The following VAV2 variants were observed in gnomAD, a reference collection of about 807,000 sequenced individuals.
VAV2 encodes the protein guanine nucleotide exchange factor VAV2.
In VAV2, 67 loss-of-function variants were observed where a neutral mutation model predicts 132.5. That is an observed-to-expected ratio of 0.51 (90% CI 0.42 to 0.62). VAV2 has a LOEUF of 0.62. VAV2 is among the 20% of genes least tolerant of loss of function. The probability of loss-of-function intolerance (pLI) is 0.00; values close to 1 mark genes in which losing one functional copy is unlikely to be tolerated. For missense variants in VAV2, 938 were observed against 1,153.6 expected (o/e 0.81, Z 2.71); for synonymous variants, 492 against 443.5 (o/e 1.11, Z -1.37).
At position 133,834,406 on chromosome 9, in the gene VAV2, T is replaced by C; in HGVS notation, c.381-66A>G. The C allele has an allele frequency of 6.5e-7, 1 of 1,543,318 alleles. No homozygotes were observed. Among genetic ancestry groups the C allele is most frequent in the Non-Finnish European group, 8.8e-7 (1 of 1,131,542 alleles). On this transcript the variant is annotated intron_variant, in intron 3 of 29. Coordinates refer to ENST00000371850, the MANE Select transcript of VAV2 (RefSeq NM_001134398.2). This position sits in a 1 kb window ranked among gnomAD's most constrained non-coding sequence, Gnocchi z 5.9. ...CACTGCCGGCCAGTGGGACCCCAGC[T>C]GGACCCCACAGCAGAGCCCAGTGTG...
chr9:133,842,809 G>A (rs112439268), intron 3 of VAV2, among the ~76,000 whole-genome samples: 15 of 152,316 alleles, frequency 9.8e-5, no homozygotes, highest in South Asian at 8.3e-4. Context: ...GGGACCCCAC[G>A]CCCAGGGCAT....
At position 133,769,691 on chromosome 9, in the gene VAV2, G is replaced by A. The variant is rs961951101; in HGVS notation, c.2348-188C>T. ...CCCCACCCAGGCACAGGTGCCACTC[G>A]GCCACACCTGAGCTACCCTGGAACC... On this transcript the variant is annotated intron_variant, in intron 27 of 29. Transcript: ENST00000371850. The surrounding 1 kb of genome is among the most constrained non-coding windows in gnomAD (Gnocchi z 8.1). 6.6e-6 allele frequency among the ~76,000 whole-genome samples: 1 copy of A among 152,182 alleles called. No individual in the cohort carries two copies. The highest frequency in any genetic ancestry group is 1.5e-5 in the Non-Finnish European group (1 of 68,012).
intron 1 of VAV2, among the ~76,000 whole-genome samples, chr9:133,982,263 C>T (rs962013537): frequency 5.6e-5 from 8 of 144,008 alleles, no homozygotes; most frequent in South Asian, 2.1e-4. Context: ...TCGGCAGGGG[C>T]GACGGCCGGC....
At chr9:133,971,733 G>A (rs888816248) in intron 1 of VAV2, among the ~76,000 whole-genome samples, 5 of 152,232 alleles carry the variant, frequency 3.3e-5, no homozygotes, top group Middle Eastern at 3.4e-3. Flanking sequence ...AGCCAGTCAC[G>A]GGTCCCCAGC....
chr9:133,929,238 G>A (rs973132459), intron 2 of VAV2, among the ~76,000 whole-genome samples: 1 of 152,142 alleles, frequency 6.6e-6, no homozygotes, highest in Non-Finnish European at 1.5e-5. Flanking sequence ...AGCACCAGCA[G>A]TCTCCCACCT....
chr9:133,970,754 G>A (rs774734991), intron 1 of VAV2, among the ~76,000 whole-genome samples: 15 of 152,220 alleles, frequency 9.9e-5, no homozygotes, highest in South Asian at 6.2e-4. Flanking sequence ...ACAGCCTCTC[G>A]TGTCAAATGG....
At position 133,918,307 on chromosome 9, in the gene VAV2, C is replaced by G. The variant is rs74732882; in HGVS notation, c.321+20796G>C. Among the ~76,000 whole-genome samples the G allele has an allele frequency of 0.069, 10,459 of 152,172 alleles. 1,043 individuals carry two copies. Among genetic ancestry groups the G allele is most frequent in the African/African-American group, 0.22 (9,186 of 41,478 alleles). ...GGCGGCAGAAAAGCGAACCAGAGAG[C>G]AGGAAGGCGGCGCTGGCTCCGAGCC... On this transcript the variant is annotated intron_variant, in intron 2 of 29. Coordinates refer to ENST00000371850, the MANE Select transcript of VAV2 (RefSeq NM_001134398.2). The surrounding 1 kb of genome is among the most constrained non-coding windows in gnomAD (Gnocchi z 4.7).
chr9:133,802,157 C>T lies in VAV2; in HGVS notation c.836+3924G>A. On this transcript the variant is annotated intron_variant, in intron 9 of 29. Coordinates refer to ENST00000371850, the MANE Select transcript of VAV2 (RefSeq NM_001134398.2). This position sits in a 1 kb window ranked among gnomAD's most constrained non-coding sequence, Gnocchi z 5.8. ...GAGAGAAAATGACAGTGACTCCAAG[C>T]CTATTGGAGGAAGTCAGTTAAGGAG... Among the ~76,000 whole-genome samples, 1 of 152,180 alleles carries T rather than the reference C, an allele frequency of 6.6e-6. No individual in the cohort carries two copies. Among genetic ancestry groups the T allele is most frequent in the African/African-American group, 2.4e-5 (1 of 41,502 alleles).
chr9:133,766,958 A>G (rs934043268), intron 29 of VAV2, among the ~76,000 whole-genome samples: 2 of 151,770 alleles, frequency 1.3e-5, no homozygotes, highest in East Asian at 3.8e-4. Context: ...ATTTAAGGTA[A>G]CCTCTAGTCT....
intron 1 of VAV2, among the ~76,000 whole-genome samples, chr9:133,983,849 G>A (rs560645525): frequency 4.9e-5 from 7 of 143,446 alleles, no homozygotes; most frequent in Middle Eastern, 3.7e-3. Context: ...GCCAGTGCTC[G>A]CAAGATGAGT....
intron 2 of VAV2, among the ~76,000 whole-genome samples, chr9:133,931,180 G>A (rs1291506713): frequency 1.3e-5 from 2 of 152,204 alleles, no homozygotes; most frequent in Admixed American, 1.3e-4. Context: ...ACAGGGCAAG[G>A]TGCCATCAGG....
chr9:133,829,555 T>C (rs1200415584), intron 4 of VAV2, among the ~76,000 whole-genome samples: 1 of 152,216 alleles, frequency 6.6e-6, no homozygotes, highest in African/African-American at 2.4e-5. Context: ...CCACAAAACG[T>C]AGGCTGCCCA....
chr9:133,785,676 C>A, intron 17 of VAV2, 100 bp downstream of exon 17: 1 of 1,176,666 alleles, frequency 8.5e-7, no homozygotes, highest in Non-Finnish European at 1.2e-6. Flanking sequence ...CCTCCCACCG[C>A]CCCTGGTCTG....
intron 4 of VAV2, among the ~76,000 whole-genome samples, chr9:133,832,691 T>C (rs1836310461): frequency 6.6e-6 from 1 of 152,146 alleles, no homozygotes; most frequent in African/African-American, 2.4e-5. Flanking sequence ...CCCAAGTAGC[T>C]GGGATTACAG....
chr9:133,764,195 T>C, intron 29 of VAV2, 86 bp from the exon 30 acceptor site: 2 of 1,553,844 alleles, frequency 1.3e-6, no homozygotes, highest in Non-Finnish European at 1.8e-6. Flanking sequence ...TGAGGGCAAG[T>C]AGAGGCTCAT....
chr9:133,808,569 G>C (rs956625447), intron 7 of VAV2, among the ~76,000 whole-genome samples: 1 of 152,208 alleles, frequency 6.6e-6, no homozygotes. Flanking sequence ...GGAAGAGCTG[G>C]GCAAGGAGCT....
chr9:133,959,281 G>C (rs1841890830), intron 1 of VAV2, among the ~76,000 whole-genome samples: 1 of 152,148 alleles, frequency 6.6e-6, no homozygotes, highest in Non-Finnish European at 1.5e-5. Flanking sequence ...AGCCACAAGA[G>C]AGGCACAGCT....
intron 3 of VAV2, among the ~76,000 whole-genome samples, chr9:133,845,506 G>C (rs2131822535): frequency 6.6e-6 from 1 of 152,274 alleles, no homozygotes; most frequent in South Asian, 2.1e-4. Context: ...CTGCCAAGGG[G>C]GACTGGGTGA....
rs1033552203 is a variant in VAV2 at position 133,802,791 on chromosome 9, C to T, written c.836+3290G>A. Among the ~76,000 whole-genome samples, 4 of 152,204 alleles carry T rather than the reference C, an allele frequency of 2.6e-5. No homozygotes were observed. Among genetic ancestry groups the T allele is most frequent in the African/African-American group, 9.7e-5 (4 of 41,448 alleles). ...CACACAGCCCCAACCTCTCAAGATGCCCAGGGACAGGCCAGCGTGGATTGA... is the reference window on the plus strand; with the variant it reads ...CACACAGCCCCAACCTCTCAAGATGTCCAGGGACAGGCCAGCGTGGATTGA... On this transcript the variant is annotated intron_variant, in intron 9 of 29. Transcript: ENST00000371850. The surrounding 1 kb of genome is among the most constrained non-coding windows in gnomAD (Gnocchi z 5.8).
Sources: allele counts gnomAD v4.1 joint callset (sites outside exome capture counted in the v4.1 genomes callset), GRCh38; gene constraint gnomAD v4.1.1; non-coding constraint Gnocchi (gnomAD v3.1); transcripts MANE v1.5; gene names NCBI Gene and HGNC (gene_info 2026-07-23, HGNC 2026-07-21).